Variants in ZMYM4 observed in about 807,000 individuals in gnomAD.
The protein encoded by ZMYM4 is zinc finger MYM-type containing 4.
In ZMYM4, 31 loss-of-function variants were observed where a neutral mutation model predicts 183.2. The observed-to-expected ratio is 0.17, with a 90% confidence interval of 0.13 to 0.23. The LOEUF is 0.23. Ranked by LOEUF, ZMYM4 falls within the 10% of genes least tolerant of loss-of-function variation. The pLI, the probability that ZMYM4 is intolerant of heterozygous loss-of-function variation, is 1.00. For synonymous variants in ZMYM4, 592 were observed against 631.2 expected, an observed-to-expected ratio of 0.94 and a Z score of 0.93; for missense variants, 1,273 against 1,840.3, an observed-to-expected ratio of 0.69 and a Z score of 5.64.
chr1:35,403,608 T>C (rs994891475), intron 23 of ZMYM4, among the ~76,000 whole-genome samples: 1 of 152,210 alleles, frequency 6.6e-6, no homozygotes, highest in Non-Finnish European at 1.5e-5. Flanking sequence ...TGAGTGTCCC[T>C]GTTCAAGACA....
At chr1:35,352,251 T>C (rs1643634927) in intron 2 of ZMYM4, among the ~76,000 whole-genome samples, 1 of 139,848 alleles carries the variant, frequency 7.2e-6, no homozygotes, top group Admixed American at 7.5e-5. Context: ...ATTTAAAAAT[T>C]AGCGCGCACG....
At chr1:35,295,059 A>G (rs894356299) in intron 1 of ZMYM4, among the ~76,000 whole-genome samples, 4 of 152,266 alleles carry the variant, frequency 2.6e-5, no homozygotes, top group African/African-American at 9.6e-5. Flanking sequence ...CGGAGGATAC[A>G]GTAATGAATA....
Position 35,370,547 on chromosome 1 carries a change from A to G in ZMYM4, c.1101A>G (p.Thr367=), listed in dbSNP as rs770764484. Reference sequence around the variant, plus strand: ...GGTCTACTCAGCTATTCTGCTCCACACTGTGCCTCACTGGATATACAGTTC... The same window carrying G: ...GGTCTACTCAGCTATTCTGCTCCACGCTGTGCCTCACTGGATATACAGTTC... ...RKGSTQLFCS[T]LCLTGYTVPP... Residue 367 remains threonine (T), a synonymous_variant, in exon 7 of 30, where the codon ACA becomes ACG. Transcript: ENST00000314607. 61 of 1,613,118 alleles carry G rather than the reference A, an allele frequency of 3.8e-5. No individual in the cohort carries two copies. Among genetic ancestry groups the G allele is most frequent in the Non-Finnish European group, 4.9e-5 (58 of 1,179,752 alleles).
chr1:35,413,872 G>A, intron 26 of ZMYM4, 100 bp from the exon 27 acceptor site: 1 of 673,128 alleles, frequency 1.5e-6, no homozygotes, highest in South Asian at 2.2e-5. Flanking sequence ...AATATTGTAA[G>A]GGCAAAAATT....
At position 35,268,844 on chromosome 1, in the gene ZMYM4, C is replaced by A; in HGVS notation, c.-203C>A. 1 of 463,016 alleles carries A rather than the reference C, an allele frequency of 2.2e-6. No individual in the cohort carries two copies. The highest frequency in any genetic ancestry group is 3.4e-6 in the Non-Finnish European group (1 of 290,916). The allele number at this position is 463,016 out of a possible 1,614,324, so 28.7% of individuals were successfully genotyped here. A position where few individuals can be genotyped will look rare whatever the true frequency, so the allele number is the denominator to read the frequency against. On this transcript the variant is annotated 5_prime_UTR_variant, in exon 1 of 30. Transcript: ENST00000314607. ...CCCCGTCCCCGGGCAGGCCCTCCCG[C>A]CCACGCGCGGACCCGTGGGATCTCA... is the stretch of plus-strand genomic sequence containing the variant.
Position 35,268,828 on chromosome 1 carries a change from C to T in ZMYM4, c.-219C>T, listed in dbSNP as rs1375186350. The T allele has an allele frequency of 1.3e-5, 5 of 399,218 alleles. No homozygotes were observed. Among genetic ancestry groups the T allele is most frequent in the South Asian group, 1.2e-4 (1 of 8,352 alleles). 24.7% of individuals were successfully genotyped at this position (399,218 alleles called of 1,614,324 possible). On this transcript the variant is annotated 5_prime_UTR_variant, in exon 1 of 30. Coordinates refer to ENST00000314607, the MANE Select transcript of ZMYM4 (RefSeq NM_005095.3). Reference sequence around the variant, plus strand: ...CGAGTCCCGGCCCCCACCCCGTCCCCGGGCAGGCCCTCCCGCCCACGCGCG... The same window carrying T: ...CGAGTCCCGGCCCCCACCCCGTCCCTGGGCAGGCCCTCCCGCCCACGCGCG...
At chr1:35,355,196 G>C (rs1402135426) in intron 2 of ZMYM4, among the ~76,000 whole-genome samples, 1 of 134,374 alleles carries the variant, frequency 7.4e-6, no homozygotes, top group Non-Finnish European at 1.5e-5. Flanking sequence ...ACCACGCCTG[G>C]CTTCTTTTTT....
intron 5 of ZMYM4, among the ~76,000 whole-genome samples, chr1:35,367,670 A>G (rs1358464280): frequency 6.6e-6 from 1 of 152,190 alleles, no homozygotes; most frequent in African/African-American, 2.4e-5. Flanking sequence ...AATGAAAGGA[A>G]TTCACTATTT....
At chr1:35,333,090 A>G (rs1272183973) in intron 2 of ZMYM4, among the ~76,000 whole-genome samples, 24 of 152,168 alleles carry the variant, frequency 1.6e-4, no homozygotes, top group Admixed American at 1.6e-3. Flanking sequence ...CCATTTTTGT[A>G]AAATAAAATC....
chr1:35,287,710 A>G (rs1640572732), intron 1 of ZMYM4, among the ~76,000 whole-genome samples: 1 of 151,982 alleles, frequency 6.6e-6, no homozygotes, highest in African/African-American at 2.4e-5. Flanking sequence ...GGTTCAAGCG[A>G]TTCTCCTGCC....
chr1:35,351,014 T>C (rs1256173333), intron 2 of ZMYM4: 3 of 887,214 alleles, frequency 3.4e-6, no homozygotes, highest in Non-Finnish European at 5.4e-6. Context: ...CTGCAGCGCA[T>C]TGTACTGGCC....
intron 1 of ZMYM4, among the ~76,000 whole-genome samples, chr1:35,320,464 T>C (rs969468091): frequency 6.6e-6 from 1 of 152,250 alleles, no homozygotes; most frequent in Non-Finnish European, 1.5e-5. Context: ...TTCACCTGTA[T>C]CCTTTGTAGT....
rs772931568 is a variant in ZMYM4, at chr1:35,269,033, G to A, written c.-14G>A. The A allele has an allele frequency of 1.3e-6, 2 of 1,541,882 alleles. No homozygotes were observed. The highest frequency in any genetic ancestry group is 1.4e-5 in the African/African-American group (1 of 72,218). ...CCGCGCGGGGAGCCGCAGCGGTTCC[G>A]AGCGGGGCCCAACATGGCGGAGAGA... On this transcript the variant is annotated 5_prime_UTR_variant, in exon 1 of 30. Transcript: ENST00000314607.
intron 1 of ZMYM4, among the ~76,000 whole-genome samples, chr1:35,281,661 A>AATATATAT (rs56216613): frequency 1.2e-4 from 18 of 148,036 alleles, no homozygotes; most frequent in African/African-American, 4.4e-4. Context: ...TCATATAATA[A>AATATATAT]ATATATATAT....
chr1:35,365,868 CAT>C (rs1379467513), intron 5 of ZMYM4: 1 of 152,242 alleles, frequency 6.6e-6, no homozygotes, highest in East Asian at 1.9e-4. Flanking sequence ...AGGATCCAAA[CAT>C]AAACCAAACA....
intron 2 of ZMYM4, among the ~76,000 whole-genome samples, chr1:35,344,959 G>A (rs1157955764): frequency 1.3e-5 from 2 of 152,138 alleles, no homozygotes; most frequent in Non-Finnish European, 2.9e-5. Context: ...CGGGCCTGGG[G>A]CCATTCAGAT....
chr1:35,358,211 G>T (rs1194468677), intron 2 of ZMYM4, among the ~76,000 whole-genome samples: 4 of 152,108 alleles, frequency 2.6e-5, no homozygotes. Context: ...GAAGATGAAT[G>T]AGGGCATTGT....
At chr1:35,394,151 T>G (rs956837769) in intron 18 of ZMYM4, among the ~76,000 whole-genome samples, 2 of 147,478 alleles carry the variant, frequency 1.4e-5, no homozygotes, top group African/African-American at 2.5e-5. Flanking sequence ...TGAGGAGAGC[T>G]TCAGAGCTTT....
At chr1:35,269,716 A>G (rs1037901562) in intron 1 of ZMYM4, among the ~76,000 whole-genome samples, 3 of 152,160 alleles carry the variant, frequency 2.0e-5, no homozygotes, top group African/African-American at 7.2e-5. Flanking sequence ...GAAGAATACG[A>G]CAAGTTTTCT....
Sources: allele counts gnomAD v4.1 joint callset (sites outside exome capture counted in the v4.1 genomes callset), GRCh38; gene constraint gnomAD v4.1.1; transcripts MANE v1.5; gene names NCBI Gene and HGNC (gene_info 2026-07-23, HGNC 2026-07-21).